FSHR: variants seen among roughly 807,000 people sequenced by gnomAD.
FSHR encodes follicle-stimulating hormone receptor.
FSHR carries 46 observed loss-of-function variants against 52.1 expected under a neutral mutation model. That is an observed-to-expected ratio of 0.88 (90% CI 0.70 to 1.13). The LOEUF (loss-of-function observed/expected upper bound fraction) is 1.13. Among genes scored for constraint, FSHR ranks in the 50% most tolerant of loss-of-function variants. The pLI is 0.00. For synonymous variants in FSHR, 399 were observed against 309.6 expected (o/e 1.29, Z -3.03); for missense variants, 964 against 834.6 (o/e 1.16, Z -1.91).
chr2:49,118,252 G>C (rs538972324), intron 1 of FSHR, among the ~76,000 whole-genome samples: 2 of 152,238 alleles, frequency 1.3e-5, no homozygotes, highest in East Asian at 1.9e-4. Context: ...GGAGCAAGGA[G>C]GGGGAGGGAG....
chr2:49,127,461 C>A (rs930651235), intron 1 of FSHR, among the ~76,000 whole-genome samples: 1 of 151,720 alleles, frequency 6.6e-6, no homozygotes, highest in African/African-American at 2.4e-5. Context: ...AGAAATTGAA[C>A]GTGTCCTTTC....
intron 4 of FSHR, among the ~76,000 whole-genome samples, chr2:49,011,684 G>T (rs1433703540): frequency 6.6e-6 from 1 of 152,024 alleles, no homozygotes; most frequent in Non-Finnish European, 1.5e-5. Context: ...TTTTCAGAAA[G>T]CAAAGTTAAG....
At chr2:48,993,425 A>C (rs1675874585) in intron 4 of FSHR, among the ~76,000 whole-genome samples, 1 of 152,148 alleles carries the variant, frequency 6.6e-6, no homozygotes, top group Non-Finnish European at 1.5e-5. Context: ...TCCGATATCC[A>C]GCCCATCTCA....
intron 2 of FSHR, 96 bp from the exon 3 acceptor site, chr2:49,020,256 C>T (rs1406794520): frequency 1.9e-6 from 2 of 1,042,054 alleles, no homozygotes; most frequent in Non-Finnish European, 3.0e-6. Context: ...GGAGGATTCA[C>T]AAGACACACA....
intron 1 of FSHR, among the ~76,000 whole-genome samples, chr2:49,131,094 G>C (rs1672247216): frequency 6.6e-6 from 1 of 152,120 alleles, no homozygotes; most frequent in African/African-American, 2.4e-5. Flanking sequence ...TCAGTAGCTG[G>C]TGGACTGCTC....
chr2:49,048,409 C>A (rs1668737900), intron 2 of FSHR, among the ~76,000 whole-genome samples: 1 of 152,104 alleles, frequency 6.6e-6, no homozygotes, highest in Non-Finnish European at 1.5e-5. Flanking sequence ...TAACTCTGTG[C>A]TAGGTGCTTT....
chr2:48,964,265 T>C (rs924884481), intron 9 of FSHR, among the ~76,000 whole-genome samples: 1 of 152,084 alleles, frequency 6.6e-6, no homozygotes, highest in Non-Finnish European at 1.5e-5. Context: ...GTGAAAATAA[T>C]TTACAGAGCT....
rs121909662 is a variant in FSHR, at chr2:48,963,266, G to A, written c.1555C>T (p.Pro519Ser). The change falls in exon 10 of 10, where the codon CCC becomes TCC. Residue 519 changes from proline (P) to serine (S), a missense_variant. Pro to Ser is a moderately conservative substitution (Grantham distance 74, BLOSUM62 -1). Coordinates refer to ENST00000406846, the MANE Select transcript of FSHR (RefSeq NM_000145.4). ...GACAAAGGGCTGTCAATATCCATGGGCAGGCAGATGCTCACCTTCATGTAG... is the reference window on the plus strand; with the variant it reads ...GACAAAGGGCTGTCAATATCCATGGACAGGCAGATGCTCACCTTCATGTAG... ...SSYMKVSICL[P>S]MDIDSPLSQL... 2 of 1,614,132 alleles carry A rather than the reference G, an allele frequency of 1.2e-6. No homozygotes were observed. Among genetic ancestry groups the A allele is most frequent in the Non-Finnish European group, 1.7e-6 (2 of 1,180,020 alleles).
rs1667472397 is a variant in FSHR at position 49,015,884 on chromosome 2, C to T, written c.374+1605G>A. On this transcript the variant is annotated intron_variant, in intron 4 of 9. Transcript: ENST00000406846. The stretch of plus-strand genomic sequence containing the variant: ...CCCAGCAGTCCTCTGAGTGCGGGGG[C>T]CCTCCTGAGCACAAAGCCCTATACA... Among the ~76,000 whole-genome samples the T allele has an allele frequency of 2.0e-5, 3 of 152,112 alleles. No individual in the cohort carries two copies. The South Asian group carries it at 6.2e-4, about 32-fold the overall frequency.
intron 2 of FSHR, among the ~76,000 whole-genome samples, chr2:49,035,755 G>T (rs1401724833): frequency 6.6e-6 from 1 of 152,184 alleles, no homozygotes; most frequent in Non-Finnish European, 1.5e-5. Flanking sequence ...CTGGTGGTTT[G>T]TATGTTACTA....
At chr2:49,073,705 G>A (rs1669838817) in intron 1 of FSHR, among the ~76,000 whole-genome samples, 1 of 151,828 alleles carries the variant, frequency 6.6e-6, no homozygotes, top group Non-Finnish European at 1.5e-5. Context: ...AAATTTTGTG[G>A]AACCACAAAA....
chr2:49,146,088 G>A (rs564690593), intron 1 of FSHR, among the ~76,000 whole-genome samples: 10 of 152,120 alleles, frequency 6.6e-5, no homozygotes, highest in African/African-American at 2.4e-4. Flanking sequence ...CTGAATTTGG[G>A]CATGTGTACC....
rs989117904 is a variant in FSHR at position 49,031,590 on chromosome 2, A to G, written c.225-11430T>C. On this transcript the variant is annotated intron_variant, in intron 2 of 9. Coordinates refer to ENST00000406846, the MANE Select transcript of FSHR (RefSeq NM_000145.4). ...TATGTGATGATAGGAGTGCATTTTC[A>G]TTAATGCACTCTAGTTCCAGGGGTC... Among the ~76,000 whole-genome samples, 52 of 152,174 alleles carry G rather than the reference A, an allele frequency of 3.4e-4. 1 individual carries two copies.
chr2:48,990,143 C>T (rs1262434750), intron 5 of FSHR, among the ~76,000 whole-genome samples: 1 of 152,140 alleles, frequency 6.6e-6, no homozygotes, highest in Non-Finnish European at 1.5e-5. Context: ...AAGGCAAACA[C>T]AGCCTGTCAT....
intron 2 of FSHR, among the ~76,000 whole-genome samples, chr2:49,048,945 C>G (rs1303889315): frequency 1.3e-5 from 2 of 152,072 alleles, no homozygotes; most frequent in African/African-American, 2.4e-5. Flanking sequence ...TTAAGTCATA[C>G]ACAGCCCAGA....
rs1221976625 is a variant in FSHR, at chr2:49,104,549, C to A, written c.153-36259G>T. Among the ~76,000 whole-genome samples, 4 of 152,254 alleles carry A rather than the reference C, an allele frequency of 2.6e-5. No individual in the cohort carries two copies. The East Asian group carries it at 7.7e-4, about 29-fold the overall frequency. Reference sequence around the variant, plus strand: ...TTCAGTCTTTTCTTTGCATTCTAGTCAAGCTGTATTCTTGACAGAATCAGG... The same window carrying A: ...TTCAGTCTTTTCTTTGCATTCTAGTAAAGCTGTATTCTTGACAGAATCAGG... On this transcript the variant is annotated intron_variant, in intron 1 of 9. Transcript: ENST00000406846.
intron 8 of FSHR, among the ~76,000 whole-genome samples, chr2:48,981,196 G>A (rs1194242809): frequency 6.6e-6 from 1 of 152,110 alleles, no homozygotes; most frequent in Non-Finnish European, 1.5e-5. Context: ...TGTTAGCCCT[G>A]GGTCCTTCCT....
At chr2:49,032,828 G>A (rs1217767953) in intron 2 of FSHR, among the ~76,000 whole-genome samples, 1 of 152,144 alleles carries the variant, frequency 6.6e-6, no homozygotes, top group Non-Finnish European at 1.5e-5. Context: ...ATTTTCAGCT[G>A]TGAATAGCCA....
chr2:49,029,163 A>T (rs1668014174), intron 2 of FSHR, among the ~76,000 whole-genome samples: 1 of 152,196 alleles, frequency 6.6e-6, no homozygotes. Context: ...CGAAATCTAT[A>T]TTTGACCTAA....
Sources: allele counts gnomAD v4.1 joint callset (sites outside exome capture counted in the v4.1 genomes callset), GRCh38; gene constraint gnomAD v4.1.1; transcripts MANE v1.5; gene names NCBI Gene and HGNC (gene_info 2026-07-23, HGNC 2026-07-21).